The following MDFIC variants were observed in gnomAD, a reference collection of about 807,000 sequenced individuals.
The protein encoded by MDFIC is myoD family inhibitor domain-containing protein.
A neutral mutation model predicts 23.2 loss-of-function variants in MDFIC; 17 were observed. The ratio of observed to expected loss-of-function variants is 0.73; its 90% CI spans 0.50 to 1.10. The LOEUF (loss-of-function observed/expected upper bound fraction) is 1.10, where lower values mean the gene tolerates loss of function less well. Ranked by LOEUF, MDFIC falls within the 50% of genes least tolerant of loss-of-function variation. The pLI is 0.00. For synonymous variants in MDFIC, 120 were observed against 115.2 expected (o/e 1.04, Z -0.27); for missense variants, 356 against 316.6 (o/e 1.12, Z -0.95).
chr7:115,007,807 C>A (rs1349892414), intron 4 of MDFIC, among the ~76,000 whole-genome samples: 1 of 145,088 alleles, frequency 6.9e-6, no homozygotes, highest in African/African-American at 2.6e-5. Context: ...CCCCACCCCC[C>A]GACCCCCTCC....
intron 4 of MDFIC, among the ~76,000 whole-genome samples, chr7:114,987,717 G>A (rs939560633): frequency 6.6e-6 from 1 of 152,110 alleles, no homozygotes; most frequent in Admixed American, 6.6e-5. Context: ...CATGATCAGA[G>A]TTGACTATAT....
chr7:114,924,463 A>G (rs1792151847), intron 2 of MDFIC, among the ~76,000 whole-genome samples: 1 of 152,210 alleles, frequency 6.6e-6, no homozygotes, highest in Non-Finnish European at 1.5e-5. Context: ...CAACTTTAAT[A>G]GTTTGCATTT....
Position 114,922,721 on chromosome 7 carries a change from C to T in MDFIC, c.-108+85C>T, listed in dbSNP as rs1488289138. On this transcript the variant is annotated intron_variant, in intron 1 of 4. Transcript: ENST00000393486. ...CCCAAACCCGATCTCTCTTTCCAGC[C>T]CCTCCCCGCTGGGTCCACCTCGGAC... The T allele has an allele frequency of 1.2e-5, 16 of 1,359,938 alleles. No homozygotes were observed. In the East Asian group the frequency reaches 4.8e-4, roughly 41 times the overall value. The allele number at this position is 1,359,938 out of a possible 1,614,324, so 84.2% of individuals were successfully genotyped here.
chr7:115,014,414 G>A, intron 4 of MDFIC: 1 of 1,289,406 alleles, frequency 7.8e-7, no homozygotes. Context: ...ATTATAGCAT[G>A]GCTGCCAAGC....
rs76593995 is a variant in MDFIC at position 114,937,460 on chromosome 7, T to A, written c.95-4815T>A. On this transcript the variant is annotated intron_variant, in intron 2 of 4. Transcript: ENST00000393486. ...TTCTAAACACTCTTCCTTGTGTATA[T>A]GAGAGTTTGGCTCTATTGTTTAGCT... Among the ~76,000 whole-genome samples, 212 of 152,364 alleles carry A rather than the reference T, an allele frequency of 1.4e-3. 3 individuals carry two copies. The East Asian group carries it at 0.034, about 24-fold the overall frequency.
intron 4 of MDFIC, among the ~76,000 whole-genome samples, chr7:115,002,819 GT>G (rs1222537207): frequency 1.3e-5 from 2 of 152,136 alleles, no homozygotes; most frequent in Admixed American, 6.6e-5. Flanking sequence ...TCTGCATTCG[GT>G]TTGAAGTTTC....
intron 4 of MDFIC, among the ~76,000 whole-genome samples, chr7:114,992,659 T>C (rs1414511121): frequency 1.3e-5 from 2 of 152,320 alleles, no homozygotes; most frequent in Non-Finnish European, 2.9e-5. Flanking sequence ...GTTTATTGAT[T>C]TGTGTATGTT....
intron 4 of MDFIC, among the ~76,000 whole-genome samples, chr7:114,996,690 T>C (rs1163851313): frequency 1.3e-5 from 2 of 152,126 alleles, no homozygotes; most frequent in Non-Finnish European, 2.9e-5. Flanking sequence ...TGGAGAAAGA[T>C]CTTTAGGGCA....
chr7:114,978,536 T>C (rs1373132786), intron 3 of MDFIC, among the ~76,000 whole-genome samples: 1 of 152,110 alleles, frequency 6.6e-6, no homozygotes, highest in Non-Finnish European at 1.5e-5. Flanking sequence ...CTTTCTTTTT[T>C]TGCTATTGTG....
chr7:114,937,572 G>A (rs1792450777), intron 2 of MDFIC, among the ~76,000 whole-genome samples: 2 of 152,222 alleles, frequency 1.3e-5, no homozygotes, highest in Admixed American at 1.3e-4. Context: ...CTGATGAAGA[G>A]GATGAAGACA....
intron 4 of MDFIC, among the ~76,000 whole-genome samples, chr7:114,986,521 C>G (rs74601297): frequency 1.3e-5 from 2 of 152,196 alleles, no homozygotes; most frequent in African/African-American, 4.8e-5. Context: ...CTTGACCTTA[C>G]TATTTCCCCT....
At chr7:114,949,772 A>G (rs967577893) in intron 3 of MDFIC, among the ~76,000 whole-genome samples, 1 of 84,880 alleles carries the variant, frequency 1.2e-5, no homozygotes, top group Non-Finnish European at 2.4e-5. Flanking sequence ...GTAGGTTCTC[A>G]TGGGATAACA....
At chr7:114,944,883 G>A (rs1282252658) in intron 3 of MDFIC, among the ~76,000 whole-genome samples, 1 of 152,194 alleles carries the variant, frequency 6.6e-6, no homozygotes, top group Non-Finnish European at 1.5e-5. Context: ...GTGGCTCTCT[G>A]AGCACCGTGG....
At chr7:114,990,626 G>T (rs1298754923) in intron 4 of MDFIC, among the ~76,000 whole-genome samples, 1 of 152,138 alleles carries the variant, frequency 6.6e-6, no homozygotes, top group East Asian at 1.9e-4. Flanking sequence ...GAAATAGTTT[G>T]CTGAAAATGA....
chr7:114,946,858 T>C (rs1792656016), intron 3 of MDFIC, among the ~76,000 whole-genome samples: 1 of 152,198 alleles, frequency 6.6e-6, no homozygotes, highest in Non-Finnish European at 1.5e-5. Flanking sequence ...CGGAGCTCTA[T>C]TATTTCTTTT....
chr7:114,982,369 G>T (rs2115975936), intron 4 of MDFIC, among the ~76,000 whole-genome samples: 1 of 152,042 alleles, frequency 6.6e-6, no homozygotes, highest in East Asian at 1.9e-4. Flanking sequence ...AGGTGTCTTA[G>T]TCTATTTGTG....
chr7:114,989,230 T>C (rs139071098), intron 4 of MDFIC, among the ~76,000 whole-genome samples: 2 of 152,224 alleles, frequency 1.3e-5, no homozygotes, highest in Admixed American at 6.5e-5. Context: ...TATATCAAGG[T>C]GCACCAGATA....
At chr7:114,972,214 C>T (rs1206081339) in intron 3 of MDFIC, among the ~76,000 whole-genome samples, 12 of 152,068 alleles carry the variant, frequency 7.9e-5, no homozygotes, top group Admixed American at 1.3e-4. Flanking sequence ...ATTCAAACCC[C>T]GGTTTGTCTT....
intron 3 of MDFIC, among the ~76,000 whole-genome samples, chr7:114,964,883 CAGTGCTGG>C (rs1256537610): frequency 6.6e-6 from 1 of 152,170 alleles, no homozygotes; most frequent in East Asian, 1.9e-4. Flanking sequence ...TCACTGTTCT[CAGTGCTGG>C]ATCAGAAGAA....
Sources: gnomAD v4.1 joint callset for allele counts (sites outside exome capture counted in the v4.1 genomes callset) on GRCh38, gnomAD v4.1.1 for gene constraint, MANE v1.5 for transcripts, NCBI Gene and HGNC (gene_info 2026-07-23, HGNC 2026-07-21) for gene names.